AGBL4: variants seen among roughly 807,000 people sequenced by gnomAD.
AGBL4 encodes cytosolic carboxypeptidase 6.
In AGBL4, 58 loss-of-function variants were observed where a neutral mutation model predicts 66.4. The observed-to-expected ratio is 0.87, with a 90% CI of 0.71 to 1.09. AGBL4 has a LOEUF of 1.09. AGBL4 is among the 50% of genes least tolerant of loss of function. The probability of loss-of-function intolerance (pLI) is 0.00; values close to 1 mark genes in which losing one functional copy is unlikely to be tolerated. For missense variants in AGBL4, 579 were observed against 631.0 expected, an observed-to-expected ratio of 0.92 and a Z score of 0.88; for synonymous variants, 234 against 222.9, an observed-to-expected ratio of 1.05 and a Z score of -0.44.
intron 4 of AGBL4, among the ~76,000 whole-genome samples, chr1:49,046,129 A>G (rs1644074161): frequency 6.6e-6 from 1 of 152,176 alleles, no homozygotes; most frequent in Non-Finnish European, 1.5e-5. Flanking sequence ...TACAATAATA[A>G]ATAAGACAAG....
intron 6 of AGBL4, among the ~76,000 whole-genome samples, chr1:48,778,135 A>ACATCCATCCATCCATCCATC (rs34372698): frequency 2.0e-5 from 3 of 148,608 alleles, no homozygotes; most frequent in East Asian, 2.0e-4. Flanking sequence ...ATAAAAACCC[A>ACATCCATCCATCCATCCATC]CATCCATCCA....
chr1:49,891,218 T>C (rs562419842), intron 1 of AGBL4, among the ~76,000 whole-genome samples: 1 of 152,312 alleles, frequency 6.6e-6, no homozygotes, highest in Admixed American at 6.5e-5. Flanking sequence ...TTGAGAGCAC[T>C]ATTCCATTGC....
intron 5 of AGBL4, among the ~76,000 whole-genome samples, chr1:49,025,995 A>G (rs776296933): frequency 7.2e-5 from 11 of 152,122 alleles, no homozygotes; most frequent in Non-Finnish European, 1.2e-4. Flanking sequence ...GTGCAATTTA[A>G]TGATTTTTAG....
intron 4 of AGBL4, among the ~76,000 whole-genome samples, chr1:49,242,753 T>C (rs1651334552): frequency 6.6e-6 from 1 of 151,908 alleles, no homozygotes; most frequent in African/African-American, 2.4e-5. Flanking sequence ...TGGAGTGAAC[T>C]AAAACAGGCA....
chr1:49,915,188 C>G (rs1651278825), intron 1 of AGBL4, among the ~76,000 whole-genome samples: 1 of 152,164 alleles, frequency 6.6e-6, no homozygotes. Context: ...TTCTGCATTT[C>G]CAACGGAGGT....
At chr1:49,681,389 T>C (rs1646690745) in intron 3 of AGBL4, among the ~76,000 whole-genome samples, 1 of 152,178 alleles carries the variant, frequency 6.6e-6, no homozygotes, top group African/African-American at 2.4e-5. Context: ...GGTTACCTCA[T>C]TACTTCCAGG....
chr1:49,573,354 C>A (rs1210488049), intron 3 of AGBL4, among the ~76,000 whole-genome samples: 1 of 152,000 alleles, frequency 6.6e-6, no homozygotes, highest in Non-Finnish European at 1.5e-5. Flanking sequence ...TAGGACTCTA[C>A]TTCTAATAGT....
At chr1:48,526,781 C>T in the AGBL4 span, among the ~76,000 whole-genome samples, 2 of 151,706 alleles carry the variant, frequency 1.3e-5, no homozygotes, top group Non-Finnish European at 2.9e-5. Context: ...TATAACCACA[C>T]CAGCAACAAT....
intron 4 of AGBL4, among the ~76,000 whole-genome samples, chr1:49,101,385 G>A (rs749657962): frequency 2.0e-5 from 3 of 151,948 alleles, no homozygotes; most frequent in African/African-American, 4.8e-5. Context: ...GCAAGGTTTC[G>A]CCATGTTGGC....
At chr1:49,386,909 A>G (rs1280594985) in intron 3 of AGBL4, among the ~76,000 whole-genome samples, 2 of 151,968 alleles carry the variant, frequency 1.3e-5, no homozygotes, top group African/African-American at 4.8e-5. Context: ...CTTAACTACA[A>G]AATGAAGGTA....
At chr1:49,208,513 A>G (rs1648418385) in intron 4 of AGBL4, among the ~76,000 whole-genome samples, 1 of 152,012 alleles carries the variant, frequency 6.6e-6, no homozygotes, top group African/African-American at 2.4e-5. Context: ...TTCAAAATGT[A>G]TTTTCTAGAA....
At chr1:49,462,270 T>C (rs899824432) in intron 3 of AGBL4, among the ~76,000 whole-genome samples, 1 of 151,816 alleles carries the variant, frequency 6.6e-6, no homozygotes, top group Non-Finnish European at 1.5e-5. Context: ...ATTTATTTAC[T>C]GTGCATTTGA....
chr1:49,892,581 C>T (rs889618598), intron 1 of AGBL4, among the ~76,000 whole-genome samples: 2 of 152,186 alleles, frequency 1.3e-5, no homozygotes, highest in Non-Finnish European at 2.9e-5. Context: ...TCTATGCTTG[C>T]TCTATCTCCC....
chr1:49,412,769 T>C (rs1645343210), intron 3 of AGBL4, among the ~76,000 whole-genome samples: 1 of 151,944 alleles, frequency 6.6e-6, no homozygotes, highest in Admixed American at 6.6e-5. Context: ...AATTAAAGAG[T>C]ATAAATGAGA....
At chr1:49,003,958 C>A (rs752613462) in intron 5 of AGBL4, among the ~76,000 whole-genome samples, 15 of 152,216 alleles carry the variant, frequency 9.9e-5, no homozygotes, top group Non-Finnish European at 1.8e-4. Flanking sequence ...CCCACTGGGA[C>A]TTTGGTTTCT....
intron 11 of AGBL4, among the ~76,000 whole-genome samples, chr1:48,542,449 C>G (rs1028474143): frequency 6.6e-6 from 1 of 152,202 alleles, no homozygotes; most frequent in South Asian, 2.1e-4. Flanking sequence ...ATAATTTACA[C>G]TCCCACCAAC....
At chr1:49,722,830 C>G (rs1264895049) in intron 2 of AGBL4, among the ~76,000 whole-genome samples, 1 of 152,076 alleles carries the variant, frequency 6.6e-6, no homozygotes, top group South Asian at 2.1e-4. Context: ...CTCACTCAGT[C>G]TGTAGTAACT....
intron 5 of AGBL4, among the ~76,000 whole-genome samples, chr1:48,987,209 C>T (rs535722657): frequency 2.6e-5 from 4 of 151,446 alleles, no homozygotes; most frequent in East Asian, 1.9e-4. Flanking sequence ...AAATGAACAC[C>T]GTAATTTAAA....
At chr1:48,776,841 C>A (rs1557984271) in intron 6 of AGBL4, 5 of 1,397,266 alleles carry the variant, frequency 3.6e-6, no homozygotes, top group African/African-American at 1.6e-5. Context: ...TGGTGGGCGC[C>A]GGGGGCGGGC....
Sources: allele counts gnomAD v4.1 joint callset (sites outside exome capture counted in the v4.1 genomes callset), GRCh38; gene constraint gnomAD v4.1.1; transcripts MANE v1.5; gene names NCBI Gene and HGNC (gene_info 2026-07-23, HGNC 2026-07-21).